Variants in SACS observed in about 807,000 individuals in gnomAD.
The protein encoded by SACS is sacsin molecular chaperone.
In SACS, 197 loss-of-function variants were observed where a neutral mutation model predicts 348.0. The ratio of observed to expected loss-of-function variants is 0.57; its 90% CI spans 0.50 to 0.64. The LOEUF (loss-of-function observed/expected upper bound fraction) is 0.64. Among genes scored for constraint, SACS ranks in the 30% least tolerant of loss-of-function variants. SACS has a pLI of 0.00. For synonymous variants in SACS, 1,985 were observed against 1,910.6 expected, an observed-to-expected ratio of 1.04 and a Z score of -1.02; for missense variants, 4,999 against 5,360.8, an observed-to-expected ratio of 0.93 and a Z score of 2.11.
At chr13:23,363,699 T>C (rs1377260045) in intron 6 of SACS, among the ~76,000 whole-genome samples, 1 of 152,232 alleles carries the variant, frequency 6.6e-6, no homozygotes, top group Non-Finnish European at 1.5e-5. Context: ...CCACAGCACA[T>C]ACCGTCATCA....
chr13:23,353,209 C>T (rs142528977), intron 9 of SACS, among the ~76,000 whole-genome samples: 57 of 152,262 alleles, frequency 3.7e-4, no homozygotes, highest in Middle Eastern at 3.4e-3. Flanking sequence ...CTTTAAGACC[C>T]CCGCAAGACC....
rs978778437 is a variant in SACS at position 23,354,673 on chromosome 13, T to G, written c.1939A>C (p.Lys647Gln). ...KCAHLGCAEE[K>Q]LHLLEFVLSD... ...AGCACAAATTCTAGAAGGTGAAGCTTTTCTTCAGCACAGCCCAGGTGTGCA... is the reference window on the plus strand; with the variant it reads ...AGCACAAATTCTAGAAGGTGAAGCTGTTCTTCAGCACAGCCCAGGTGTGCA... Residue 647 changes from lysine to glutamine, a missense_variant, in exon 8 of 10, where the codon AAG (lysine) becomes CAG (glutamine). Physicochemically the swap from Lys to Gln is moderately conservative, Grantham distance 53. Coordinates refer to ENST00000382292, the MANE Select transcript of SACS (RefSeq NM_014363.6). 3 of 1,614,042 alleles carry G rather than the reference T, an allele frequency of 1.9e-6. No individual in the cohort carries two copies. The highest frequency in any genetic ancestry group is 2.5e-6 in the Non-Finnish European group (3 of 1,180,034).
intron 2 of SACS, among the ~76,000 whole-genome samples, chr13:23,383,358 T>C (rs958498554): frequency 1.3e-5 from 2 of 152,108 alleles, no homozygotes; most frequent in Non-Finnish European, 2.9e-5. Flanking sequence ...CCCCACATCC[T>C]TTCTCCTCCA....
In SACS at chr13:23,330,830, T is replaced by C. The variant is rs1197968020; in HGVS notation, c.13046A>G (p.Asn4349Ser). 2.5e-6 allele frequency: 4 copies of C among 1,614,192 alleles called. No individual in the cohort carries two copies. Among genetic ancestry groups the C allele is most frequent in the East Asian group, 2.2e-5 (1 of 44,888 alleles). ...ATTCTGCAAATGTTTAAAAACTTCA[T>C]TGGCAATGTCATGGTTCTCTGGATT... ...DKNPENHDIANEVFKHLQNEI... is the reference protein window; with the variant it reads ...DKNPENHDIASEVFKHLQNEI... The change falls in exon 10 of 10, where the codon AAT (asparagine) becomes AGT (serine). Residue 4349 changes from asparagine (N) to serine (S), a missense_variant. Asn to Ser is a conservative substitution (Grantham distance 46). Around this residue, in one of 6 missense-constraint regions of SACS, gnomAD observed 254 missense variants for 275.1 expected, o/e 0.92. Coordinates refer to ENST00000382292, the MANE Select transcript of SACS (RefSeq NM_014363.6).
chr13:23,396,121 C>T (rs1872702919), intron 2 of SACS, among the ~76,000 whole-genome samples: 1 of 151,956 alleles, frequency 6.6e-6, no homozygotes, highest in Admixed American at 6.6e-5. Context: ...GTCAGGAGTT[C>T]GCGACCAGCC....
intron 2 of SACS, among the ~76,000 whole-genome samples, chr13:23,391,421 TG>T (rs1187089206): frequency 6.6e-6 from 1 of 152,146 alleles, no homozygotes; most frequent in Non-Finnish European, 1.5e-5. Flanking sequence ...CAGGTGGAGT[TG>T]GCCCATAAGG....
At chr13:23,384,999 C>T (rs1409893563) in intron 2 of SACS, among the ~76,000 whole-genome samples, 3 of 152,128 alleles carry the variant, frequency 2.0e-5, no homozygotes, top group Non-Finnish European at 4.4e-5. Context: ...TGGTGGCTCA[C>T]GCCTGTAATC....
rs1277055335 is a variant in SACS at position 23,339,006 on chromosome 13, C to A, written c.4870G>T (p.Val1624Leu). 4 of 1,613,836 alleles carry A rather than the reference C, an allele frequency of 2.5e-6. No homozygotes were observed. The East Asian group carries it at 8.9e-5, about 36-fold the overall frequency. Residue 1624 changes from valine (V) to leucine (L), a missense_variant, in exon 10 of 10, where the codon GTA (valine) becomes TTA (leucine). Physicochemically the swap from Val to Leu is conservative, Grantham distance 32. This residue lies in a region of SACS where 3,156 missense variants were observed against 3,380.1 expected (regional missense o/e 0.93). Transcript: ENST00000382292. ...GTCAAAGGTAACTGACAGCCAAATACATCTATAAATGGTTTGAACTGATTA... is the reference window on the plus strand; with the variant it reads ...GTCAAAGGTAACTGACAGCCAAATAAATCTATAAATGGTTTGAACTGATTA... The part of the protein sequence containing the change: ...FPNQFKPFID[V>L]FGCQLPLTVE...
rs1242552465 is a variant in SACS, at chr13:23,329,329, T to C, written c.*807A>G. On this transcript the variant is annotated 3_prime_UTR_variant, in exon 10 of 10. Coordinates refer to ENST00000382292, the MANE Select transcript of SACS (RefSeq NM_014363.6). ...CAACCACACTATATAAATTATAACA[T>C]TTGTGGAAAATATGTACACACAAAC... 2 of 651,734 alleles carry C rather than the reference T, an allele frequency of 3.1e-6. No individual in the cohort carries two copies. The highest frequency in any genetic ancestry group is 5.5e-6 in the Non-Finnish European group (2 of 364,528). The allele number at this position is 651,734 out of a possible 1,614,324, so 40.4% of individuals were successfully genotyped here.
chr13:23,368,515 G>A (rs763145114), intron 4 of SACS, 28 bp from the exon 5 acceptor site: 3 of 1,543,156 alleles, frequency 1.9e-6, no homozygotes, highest in East Asian at 2.2e-5. Context: ...TTTTAAGTGA[G>A]TTAGAAAAAA....
chr13:23,398,106 G>A (rs1251856538), intron 2 of SACS, among the ~76,000 whole-genome samples: 4 of 152,118 alleles, frequency 2.6e-5, no homozygotes, highest in East Asian at 1.9e-4. Context: ...CAGGAGAATC[G>A]CTTGAACCCA....
chr13:23,430,158 A>T (rs1208615874), intron 1 of SACS, among the ~76,000 whole-genome samples: 1 of 152,158 alleles, frequency 6.6e-6, no homozygotes, highest in African/African-American at 2.4e-5. Context: ...CAGTGAGCCG[A>T]GATTGCACCA....
chr13:23,339,935 A>G lies in SACS; in HGVS notation c.3941T>C (p.Phe1314Ser). 6.2e-7 allele frequency: 1 copy of G among 1,614,058 alleles called. No individual in the cohort carries two copies. Among genetic ancestry groups the G allele is most frequent in the Non-Finnish European group, 8.5e-7 (1 of 1,179,990 alleles). Residue 1314 changes from phenylalanine to serine, a missense_variant, in exon 10 of 10, where the codon TTC becomes TCC. Physicochemically the swap from Phe to Ser is radical, Grantham distance 155. This residue lies in a region of SACS where 3,156 missense variants were observed against 3,380.1 expected (regional missense o/e 0.93). Transcript: ENST00000382292. ...ACCACAGACCTTAAATAGTTGGTGGAATTTTGCCATGGTTTTAGGTACATT... is the reference window on the plus strand; with the variant it reads ...ACCACAGACCTTAAATAGTTGGTGGGATTTTGCCATGGTTTTAGGTACATT... ...LHNVPKTMAK[F>S]HQLFKVCGSI...
chr13:23,370,979 G>A (rs1405307559), intron 4 of SACS, 99 bp downstream of exon 4: 12 of 697,972 alleles, frequency 1.7e-5, no homozygotes, highest in East Asian at 5.5e-5. Context: ...GCGATAGGGC[G>A]AGACTCAGTT....
In SACS at chr13:23,341,682, A is replaced by G. The variant is rs1215639547; in HGVS notation, c.2194T>C (p.Cys732Arg). The change falls in exon 10 of 10, where the codon TGT (cysteine) becomes CGT (arginine). Residue 732 changes from cysteine (C) to arginine (R), a missense_variant. This residue lies in a region of SACS where 3,156 missense variants were observed against 3,380.1 expected (regional missense o/e 0.93). Coordinates refer to ENST00000382292, the MANE Select transcript of SACS (RefSeq NM_014363.6). ...KEAAQTRGRPCTQLQLLNPER... is the reference protein window; with the variant it reads ...KEAAQTRGRPRTQLQLLNPER... ...GGATTTAGAAGCTGCAGCTGAGTAC[A>G]TGGTCTTCCTGTAAATCATACACAG... 6.8e-6 allele frequency: 11 copies of G among 1,612,138 alleles called. No individual in the cohort carries two copies. Among genetic ancestry groups the G allele is most frequent in the Non-Finnish European group, 9.3e-6 (11 of 1,179,666 alleles).
intron 7 of SACS, among the ~76,000 whole-genome samples, chr13:23,356,921 C>T (rs759862049): frequency 6.6e-6 from 1 of 152,214 alleles, no homozygotes; most frequent in Non-Finnish European, 1.5e-5. Flanking sequence ...TGTCCACCAA[C>T]CACATGGCTA....
chr13:23,364,364 T>C (rs1356472211), intron 6 of SACS, among the ~76,000 whole-genome samples: 1 of 152,182 alleles, frequency 6.6e-6, no homozygotes, highest in Non-Finnish European at 1.5e-5. Flanking sequence ...CACTACAACC[T>C]CCGCCTCCCG....
chr13:23,353,803 C>T lies in SACS; in HGVS notation c.2167G>A (p.Glu723Lys), dbSNP rs1436061184. ...ATAATACCTCGGGTTTGGGCAGCTT[C>T]CTTTAAAGCAGCCACAAGGTGAGGT... is the stretch of plus-strand genomic sequence containing the variant. ...LKPHLVAALK[E>K]AAQTRGRPCT... is the part of the protein sequence containing the mutation. The change falls in exon 9 of 10, where the codon GAA becomes AAA. Residue 723 changes from glutamate (E) to lysine (K), a missense_variant. This residue lies in a region of SACS where 3,156 missense variants were observed against 3,380.1 expected (regional missense o/e 0.93). Transcript: ENST00000382292. 2 of 1,603,132 alleles carry T rather than the reference C, an allele frequency of 1.2e-6. No homozygotes were observed. The highest frequency in any genetic ancestry group is 3.3e-5 in the Admixed American group (2 of 59,962).
intron 9 of SACS, among the ~76,000 whole-genome samples, chr13:23,350,579 T>C (rs1869886822): frequency 6.6e-6 from 1 of 152,164 alleles, no homozygotes; most frequent in Non-Finnish European, 1.5e-5. Flanking sequence ...ACATATGATG[T>C]TTCCATTTTA....
Sources: gnomAD v4.1 joint callset for allele counts (sites outside exome capture counted in the v4.1 genomes callset) on GRCh38, gnomAD v4.1.1 for gene constraint, gnomAD v4.1.1 regional missense constraint, MANE v1.5 for transcripts, NCBI Gene and HGNC (gene_info 2026-07-23, HGNC 2026-07-21) for gene names.